The following HMSD variants were observed in gnomAD, a reference collection of about 807,000 sequenced individuals.
HMSD encodes serpin-like protein HMSD.
HMSD carries 13 observed loss-of-function variants against 10.0 expected under a neutral mutation model. The observed-to-expected ratio is 1.31, with a 90% CI of 0.85 to 2.08. The LOEUF (loss-of-function observed/expected upper bound fraction) is 2.08, where lower values mean the gene tolerates loss of function less well. Among genes scored for constraint, HMSD ranks in the 30% most tolerant of loss-of-function variants. The pLI is 0.00. For synonymous variants in HMSD, 51 were observed against 54.2 expected (o/e 0.94, Z 0.26); for missense variants, 169 against 166.3 (o/e 1.02, Z -0.09).
chr18:63,951,299 G>A (rs2050329121), intron 1 of HMSD, among the ~76,000 whole-genome samples: 1 of 152,010 alleles, frequency 6.6e-6, no homozygotes, highest in African/African-American at 2.4e-5. Flanking sequence ...TAAAGTTTAA[G>A]GAAAACAATT....
At position 63,960,398 on chromosome 18, in the gene HMSD, A is replaced by G. The variant is rs1368407407; in HGVS notation, c.*43A>G. The G allele has an allele frequency of 9.8e-6, 15 of 1,524,558 alleles. No individual in the cohort carries two copies. Among genetic ancestry groups the G allele is most frequent in the Non-Finnish European group, 1.3e-5 (15 of 1,142,948 alleles). The allele number at this position is 1,524,558 out of a possible 1,614,324, so 94.4% of individuals were successfully genotyped here. On this transcript the variant is annotated 3_prime_UTR_variant, in exon 4 of 4. Transcript: ENST00000408945. ...TCTAAACAACTATGCAAACATTAAA[A>G]CCTTTCTTTGGAAATATTGCCAACT...
chr18:63,963,207 CCTTCCTTCCTTCCTTCCTTG>C (rs531824799), downstream of HMSD, among the ~76,000 whole-genome samples: 37,239 of 130,246 alleles, frequency 0.29, 6,260 homozygotes, highest in African/African-American at 0.52. Context: ...TTCCTTGCTT[CCTTCCTTCCTTCCTTCCTTG>C]CTTCCTTCCT....
chr18:63,969,322 C>T (rs1015788169), intron 3 of HMSD: 2 of 152,114 alleles, frequency 1.3e-5, no homozygotes, highest in African/African-American at 2.4e-5. Flanking sequence ...GGAATGTTTA[C>T]CTGAACTTCA....
intron 1 of HMSD, among the ~76,000 whole-genome samples, chr18:63,951,880 G>A (rs112829736): frequency 9.1e-4 from 138 of 152,164 alleles, no homozygotes; most frequent in Middle Eastern, 3.4e-3. Context: ...GTGCACTGAG[G>A]TTTGATTGTT....
In HMSD at chr18:63,960,458, A is replaced by G. The variant is rs1054709690; in HGVS notation, c.*103A>G. On this transcript the variant is annotated 3_prime_UTR_variant, in exon 4 of 4. Coordinates refer to ENST00000408945, the MANE Select transcript of HMSD (RefSeq NM_001123366.2). ...TTTCTCTAGCTTTAGCTTTTCCCTT[A>G]TCAAGTATCTGTGATGTCTCTCTAG... 2.1e-6 allele frequency: 3 copies of G among 1,435,416 alleles called. No homozygotes were observed. Among genetic ancestry groups the G allele is most frequent in the Non-Finnish European group, 2.7e-6 (3 of 1,092,944 alleles). 88.9% of individuals were successfully genotyped at this position (1,435,416 alleles called of 1,614,324 possible). A position where few individuals can be genotyped will look rare whatever the true frequency, so the allele number is the denominator to read the frequency against.
intron 3 of HMSD, among the ~76,000 whole-genome samples, chr18:63,955,001 A>G (rs1272201015): frequency 2.6e-5 from 4 of 152,374 alleles, no homozygotes; most frequent in African/African-American, 7.2e-5. Flanking sequence ...CAATGCTTTC[A>G]TGACTTTTCT....
chr18:63,954,397 T>C lies in HMSD; in HGVS notation c.73-11T>C, dbSNP rs1330002248. ...TGAGAATGTGTATGTTTATTATTATTTTATTTTCAGGCACTTTGTTTTAGT... is the reference window on the plus strand; with the variant it reads ...TGAGAATGTGTATGTTTATTATTATCTTATTTTCAGGCACTTTGTTTTAGT... On this transcript the variant is annotated splice_polypyrimidine_tract_variant and intron_variant, in intron 2 of 3. Coordinates refer to ENST00000408945, the MANE Select transcript of HMSD (RefSeq NM_001123366.2). The C allele has an allele frequency of 1.2e-6, 2 of 1,602,030 alleles. No homozygotes were observed. Among genetic ancestry groups the C allele is most frequent in the East Asian group, 4.5e-5 (2 of 44,780 alleles).
chr18:63,952,978 T>C (rs889278168), intron 1 of HMSD, among the ~76,000 whole-genome samples: 7 of 152,248 alleles, frequency 4.6e-5, no homozygotes, highest in Admixed American at 6.5e-5. Flanking sequence ...CAAGTAACTT[T>C]CTTGCTTTCT....
In HMSD at chr18:63,960,849, G is replaced by C. The variant is rs1170882829; in HGVS notation, c.*494G>C. 3 of 155,804 alleles carry C rather than the reference G, an allele frequency of 1.9e-5. No individual in the cohort carries two copies. The highest frequency in any genetic ancestry group is 4.2e-5 in the Non-Finnish European group (3 of 70,802). The allele number at this position is 155,804 out of a possible 1,614,324, so 9.7% of individuals were successfully genotyped here. ...AAAGCCAGCTACTTAGCTTCAGGGA[G>C]AGAATGAGACTGAAGATTACAAGGA... On this transcript the variant is annotated 3_prime_UTR_variant, in exon 4 of 4. Coordinates refer to ENST00000408945, the MANE Select transcript of HMSD (RefSeq NM_001123366.2).
chr18:63,967,604 C>T (rs1038927210), intron 3 of HMSD, among the ~76,000 whole-genome samples: 5 of 152,114 alleles, frequency 3.3e-5, no homozygotes, highest in African/African-American at 9.7e-5. Context: ...TAGGAGTGTG[C>T]CCTTCCTGAG....
intron 3 of HMSD, chr18:63,969,539 C>CAT (rs1235258724): frequency 6.6e-6 from 1 of 152,200 alleles, no homozygotes; most frequent in Non-Finnish European, 1.5e-5. Context: ...ACACAGGTAA[C>CAT]ATCTACGGCT....
downstream of HMSD, among the ~76,000 whole-genome samples, chr18:63,962,967 A>C (rs1403735119): frequency 2.0e-5 from 3 of 151,972 alleles, no homozygotes. Context: ...TGCACACCTG[A>C]TTGGCGTATC....
In HMSD at chr18:63,954,389, A is replaced by G. The variant is rs372213136; in HGVS notation, c.73-19A>G. ...CAGAATACTGAGAATGTGTATGTTTATTATTATTTTATTTTCAGGCACTTT... is the reference window on the plus strand; with the variant it reads ...CAGAATACTGAGAATGTGTATGTTTGTTATTATTTTATTTTCAGGCACTTT... On this transcript the variant is annotated intron_variant, in intron 2 of 3. Coordinates refer to ENST00000408945, the MANE Select transcript of HMSD (RefSeq NM_001123366.2). 5 of 1,585,848 alleles carry G rather than the reference A, an allele frequency of 3.2e-6. No individual in the cohort carries two copies. Among genetic ancestry groups the G allele is most frequent in the African/African-American group, 2.7e-5 (2 of 74,234 alleles).
At chr18:63,958,866 A>ATCTGTTT (rs2050372351) in intron 3 of HMSD, among the ~76,000 whole-genome samples, 1 of 152,150 alleles carries the variant, frequency 6.6e-6, no homozygotes, top group Admixed American at 6.5e-5. Context: ...TTTATGGAAC[A>ATCTGTTT]ACAGACTCAT....
intron 1 of HMSD, among the ~76,000 whole-genome samples, chr18:63,952,389 T>C (rs953731869): frequency 1.3e-5 from 2 of 152,066 alleles, no homozygotes; most frequent in African/African-American, 2.4e-5. Flanking sequence ...GAAACAAATA[T>C]AGGCACATTG....
chr18:63,963,121 CTTTCTT>C (rs1555710076), downstream of HMSD, among the ~76,000 whole-genome samples: 2 of 121,686 alleles, frequency 1.6e-5, no homozygotes, highest in Non-Finnish European at 3.6e-5. Flanking sequence ...TTCTTTCTTT[CTTTCTT>C]TCTTTCCTTT....
downstream of HMSD, among the ~76,000 whole-genome samples, chr18:63,962,026 G>A (rs563989283): frequency 6.6e-6 from 1 of 152,286 alleles, no homozygotes; most frequent in African/African-American, 2.4e-5. Flanking sequence ...ACTATGTAGT[G>A]TTTCTTGTAA....
At chr18:63,963,238 T>A (rs1051304167), downstream of HMSD, among the ~76,000 whole-genome samples, 13 of 148,804 alleles carry the variant, frequency 8.7e-5, no homozygotes, top group Non-Finnish European at 1.9e-4. Context: ...CTTCCTTCCT[T>A]CCTTCCTTGC....
At chr18:63,956,127 C>G (rs1167199167) in intron 3 of HMSD, among the ~76,000 whole-genome samples, 1 of 152,138 alleles carries the variant, frequency 6.6e-6, no homozygotes, top group Admixed American at 6.5e-5. Context: ...TGCTCTACGC[C>G]CTCCTAGGAA....
Sources: gnomAD v4.1 joint callset for allele counts (sites outside exome capture counted in the v4.1 genomes callset) on GRCh38, gnomAD v4.1.1 for gene constraint, MANE v1.5 for transcripts, NCBI Gene and HGNC (gene_info 2026-07-23, HGNC 2026-07-21) for gene names.